Variants in AGK observed in about 807,000 individuals in gnomAD.
AGK encodes acylglycerol kinase, also known as acylglycerol kinase, mitochondrial.
Under a neutral mutation model 66.4 loss-of-function variants are expected in AGK, and 52 were observed. The ratio of observed to expected loss-of-function variants is 0.78; its 90% CI spans 0.63 to 0.99. The LOEUF (loss-of-function observed/expected upper bound fraction) is 0.99. AGK is among the 50% of genes least tolerant of loss of function. AGK has a pLI of 0.00. For missense variants in AGK, 451 were observed against 506.6 expected (o/e 0.89, Z 1.05); for synonymous variants, 182 against 181.1 (o/e 1.00, Z -0.04).
intron 5 of AGK, among the ~76,000 whole-genome samples, chr7:141,606,264 C>T (rs1383830823): frequency 1.3e-5 from 2 of 152,146 alleles, no homozygotes; most frequent in East Asian, 1.9e-4. Flanking sequence ...CCTGATGCTC[C>T]CTTGAGCCTT....
At position 141,621,752 on chromosome 7, in the gene AGK, T is replaced by G. The variant is rs1371246951; in HGVS notation, c.539T>G (p.Leu180Arg). The G allele has an allele frequency of 6.2e-7, 1 of 1,613,470 alleles. No homozygotes were observed. The highest frequency in any genetic ancestry group is 1.7e-5 in the Admixed American group (1 of 59,936). ...TTTAGACATATTACTGATGCCACAC[T>G]TGCCATTGTGAAAGGAGAGACAGTT... ...NKVQHITDAT[L>R]AIVKGETVPL... The change falls in exon 9 of 16, where the codon CTT (leucine) becomes CGT (arginine). Residue 180 changes from leucine to arginine, a missense_variant. By Grantham distance (102) the Leu-to-Arg change is moderately radical (BLOSUM62 -2). Coordinates refer to ENST00000649286, the MANE Select transcript of AGK (RefSeq NM_018238.4).
intron 4 of AGK, among the ~76,000 whole-genome samples, chr7:141,600,363 G>C (rs1265773806): frequency 6.6e-6 from 1 of 152,126 alleles, no homozygotes; most frequent in Non-Finnish European, 1.5e-5. Context: ...CTGTGTTTTT[G>C]AATTCTGACC....
intron 1 of AGK, among the ~76,000 whole-genome samples, chr7:141,552,238 A>G (rs1239602558): frequency 1.3e-5 from 2 of 152,236 alleles, no homozygotes; most frequent in Non-Finnish European, 2.9e-5. Context: ...TCATTCTGCT[A>G]TAAAGTGGTC....
intron 2 of AGK, among the ~76,000 whole-genome samples, chr7:141,579,903 G>A (rs1562963555): frequency 1.3e-5 from 2 of 151,958 alleles, no homozygotes; most frequent in Admixed American, 6.5e-5. Flanking sequence ...AGTGACCAAT[G>A]AGAAGGAGAA....
intron 9 of AGK, among the ~76,000 whole-genome samples, chr7:141,629,706 C>T (rs1466503349): frequency 6.6e-6 from 1 of 152,132 alleles, no homozygotes; most frequent in African/African-American, 2.4e-5. Flanking sequence ...TGCTAGGATA[C>T]AGCACTCCAC....
At chr7:141,571,538 A>G (rs2116878473) in intron 2 of AGK, among the ~76,000 whole-genome samples, 1 of 152,316 alleles carries the variant, frequency 6.6e-6, no homozygotes, top group East Asian at 1.9e-4. Flanking sequence ...TGCTTATTGT[A>G]TAACTTTAAG....
intron 2 of AGK, among the ~76,000 whole-genome samples, chr7:141,572,917 T>C (rs533994632): frequency 2.0e-4 from 31 of 152,288 alleles, no homozygotes; most frequent in African/African-American, 7.5e-4. Context: ...TTGTGCTCCG[T>C]TTTTCAGTAT....
intron 4 of AGK, among the ~76,000 whole-genome samples, chr7:141,600,149 G>A (rs1451320021): frequency 6.6e-6 from 1 of 152,140 alleles, no homozygotes; most frequent in African/African-American, 2.4e-5. Context: ...TTAAAAATAA[G>A]ACAGAGGACT....
intron 2 of AGK, among the ~76,000 whole-genome samples, chr7:141,592,355 T>G (rs1228075269): frequency 6.6e-6 from 1 of 152,198 alleles, no homozygotes; most frequent in African/African-American, 2.4e-5. Flanking sequence ...TCTTCCATCT[T>G]CGCAGCTGGC....
chr7:141,627,330 C>T (rs553339395), intron 9 of AGK, among the ~76,000 whole-genome samples: 1 of 152,104 alleles, frequency 6.6e-6, no homozygotes, highest in African/African-American at 2.4e-5. Flanking sequence ...GGCAAAGCTG[C>T]GAAGTAAAAT....
chr7:141,603,381 T>C (rs1293234950), intron 5 of AGK, among the ~76,000 whole-genome samples: 1 of 152,240 alleles, frequency 6.6e-6, no homozygotes, highest in East Asian at 1.9e-4. Context: ...TGTCATAGAA[T>C]AACTATTTTT....
intron 8 of AGK, among the ~76,000 whole-genome samples, chr7:141,619,322 T>TGTG (rs1312564087): frequency 2.0e-5 from 3 of 152,158 alleles, no homozygotes; most frequent in Admixed American, 2.0e-4. Flanking sequence ...ATCAAAACAG[T>TGTG]GTGGTGCTGG....
chr7:141,629,073 T>G (rs1797002286), intron 9 of AGK, among the ~76,000 whole-genome samples: 1 of 152,202 alleles, frequency 6.6e-6, no homozygotes, highest in African/African-American at 2.4e-5. Flanking sequence ...CTCCTTCTTT[T>G]TAGACCCTGG....
At chr7:141,567,245 G>A (rs1304113942) in intron 2 of AGK, among the ~76,000 whole-genome samples, 3 of 151,930 alleles carry the variant, frequency 2.0e-5, no homozygotes, top group African/African-American at 7.3e-5. Flanking sequence ...TATTTTTGTA[G>A]CCCAGGTACT....
chr7:141,562,711 A>G (rs915442763), intron 2 of AGK, among the ~76,000 whole-genome samples: 1 of 152,214 alleles, frequency 6.6e-6, no homozygotes, highest in Admixed American at 6.5e-5. Context: ...TGCTCTGCTA[A>G]CAGTGCCAAG....
intron 11 of AGK, among the ~76,000 whole-genome samples, chr7:141,637,978 TTCC>T (rs1220990448): frequency 1.3e-5 from 2 of 152,232 alleles, no homozygotes; most frequent in African/African-American, 4.8e-5. Context: ...AAATCGGTTA[TTCC>T]TCGAGTTTCA....
chr7:141,566,159 A>T (rs1795463658), intron 2 of AGK, among the ~76,000 whole-genome samples: 1 of 152,206 alleles, frequency 6.6e-6, no homozygotes, highest in South Asian at 2.1e-4. Flanking sequence ...TCCAAGTCTC[A>T]AATGTTATTT....
intron 2 of AGK, among the ~76,000 whole-genome samples, chr7:141,560,122 G>A (rs1795306839): frequency 6.6e-6 from 1 of 152,084 alleles, no homozygotes; most frequent in African/African-American, 2.4e-5. Flanking sequence ...GCTATGTTGA[G>A]TAGAAGTGAT....
intron 2 of AGK, among the ~76,000 whole-genome samples, chr7:141,573,477 A>G (rs1795659836): frequency 6.6e-6 from 1 of 152,124 alleles, no homozygotes; most frequent in Non-Finnish European, 1.5e-5. Flanking sequence ...ACATGATTTT[A>G]AGGGAGTTTT....
Sources: allele counts gnomAD v4.1 joint callset (sites outside exome capture counted in the v4.1 genomes callset), GRCh38; gene constraint gnomAD v4.1.1; transcripts MANE v1.5; gene names NCBI Gene and HGNC (gene_info 2026-07-23, HGNC 2026-07-21).